PRLR: variants seen among roughly 807,000 people sequenced by gnomAD.
PRLR encodes hPRL receptor.
Under a neutral mutation model 40.2 loss-of-function variants are expected in PRLR, and 13 were observed. The observed-to-expected ratio is 0.32, with a 90% CI of 0.21 to 0.51. The LOEUF (loss-of-function observed/expected upper bound fraction) is 0.51, where lower values mean the gene tolerates loss of function less well. Ranked by LOEUF, PRLR falls within the 20% of genes least tolerant of loss-of-function variation. PRLR has a pLI of 0.97. For missense variants in PRLR, 656 were observed against 747.3 expected (o/e 0.88, Z 1.42); for synonymous variants, 269 against 278.7 (o/e 0.97, Z 0.35).
chr5:35,114,933 T>A (rs1042121844), intron 2 of PRLR, among the ~76,000 whole-genome samples: 10 of 152,174 alleles, frequency 6.6e-5, no homozygotes, highest in Non-Finnish European at 1.5e-4. Flanking sequence ...CTCTTCTCTA[T>A]CCCTGCCCAC....
At chr5:35,184,589 T>G (rs906826824) in intron 1 of PRLR, among the ~76,000 whole-genome samples, 2 of 152,168 alleles carry the variant, frequency 1.3e-5, no homozygotes, top group Non-Finnish European at 2.9e-5. Flanking sequence ...TCAACTAGAA[T>G]GACTGAATCA....
intron 2 of PRLR, among the ~76,000 whole-genome samples, chr5:35,095,822 A>T (rs1283364265): frequency 6.6e-6 from 1 of 152,218 alleles, no homozygotes; most frequent in East Asian, 1.9e-4. Context: ...ATAGTGAATT[A>T]CTTTTATATA....
intron 1 of PRLR, among the ~76,000 whole-genome samples, chr5:35,225,433 A>G (rs1276845023): frequency 6.6e-6 from 1 of 152,188 alleles, no homozygotes; most frequent in African/African-American, 2.4e-5. Context: ...TGACACAAGA[A>G]CAGAGGAAGA....
chr5:35,138,630 A>G (rs1042409512), intron 1 of PRLR, among the ~76,000 whole-genome samples: 4 of 152,204 alleles, frequency 2.6e-5, no homozygotes, highest in Admixed American at 2.6e-4. Context: ...AAGAATATCT[A>G]TATACTTATT....
intron 5 of PRLR, among the ~76,000 whole-genome samples, chr5:35,076,168 C>T (rs373080816): frequency 2.6e-4 from 39 of 152,234 alleles, no homozygotes; most frequent in Middle Eastern, 3.4e-3. Flanking sequence ...TCGCCAGCAA[C>T]GAAACAAAGC....
At chr5:35,163,574 G>A (rs1210460751) in intron 1 of PRLR, among the ~76,000 whole-genome samples, 1 of 152,212 alleles carries the variant, frequency 6.6e-6, no homozygotes, top group African/African-American at 2.4e-5. Context: ...TCTATTCACT[G>A]CTGGTATTAT....
chr5:35,159,446 A>G (rs1402908205), intron 1 of PRLR, among the ~76,000 whole-genome samples: 2 of 151,018 alleles, frequency 1.3e-5, no homozygotes, highest in Non-Finnish European at 2.9e-5. Flanking sequence ...CCCAGAAAAA[A>G]CTAGAGTGTC....
rs1768772530 is a variant in PRLR, at chr5:35,057,178, A to AT, written c.*7910dup. On this transcript the variant is annotated 3_prime_UTR_variant, in exon 10 of 10. Coordinates refer to ENST00000618457, the MANE Select transcript of PRLR (RefSeq NM_000949.7). ...CTTGTATCTGGTTCCATCTCCCCTCATTTTTCTCAGCCTCCCATGTTATAG... is the reference window on the plus strand; with the variant it reads ...CTTGTATCTGGTTCCATCTCCCCTCATTTTTTCTCAGCCTCCCATGTTATAG... The AT allele has an allele frequency of 6.6e-6, 1 of 151,910 alleles. No homozygotes were observed. The highest frequency in any genetic ancestry group is 2.1e-4 in the South Asian group (1 of 4,820). 9.4% of individuals were successfully genotyped at this position (151,910 alleles called of 1,614,324 possible). A position where few individuals can be genotyped will look rare whatever the true frequency, so the allele number is the denominator to read the frequency against.
chr5:35,113,453 CCAT>C (rs1772815344), intron 2 of PRLR, among the ~76,000 whole-genome samples: 1 of 25,554 alleles, frequency 3.9e-5, no homozygotes, highest in Non-Finnish European at 1.0e-4. Flanking sequence ...ACCCACCTAT[CCAT>C]CCATCCATCC....
Position 35,065,902 on chromosome 5 carries a change from C to A in PRLR, c.1056G>T (p.Gly352=), listed in dbSNP as rs775453931. The A allele has an allele frequency of 2.5e-6, 4 of 1,614,090 alleles. No homozygotes were observed. The South Asian group carries it at 3.3e-5, about 13-fold the overall frequency. The change falls in exon 10 of 10, where the codon GGG becomes GGT. Residue 352 remains glycine, a synonymous_variant. Transcript: ENST00000618457. The stretch of plus-strand genomic sequence containing the variant: ...ACAAAAGGGAAGGGCTGTCACAGCT[C>A]CCCCGGCCTGAGTCAGTGTCAGGAT... ...YLDPDTDSGR[G]SCDSPSLLSE...
intron 2 of PRLR, among the ~76,000 whole-genome samples, chr5:35,114,955 T>G (rs146465950): frequency 6.6e-6 from 1 of 152,318 alleles, no homozygotes; most frequent in East Asian, 1.9e-4. Context: ...GAGCTGGTGA[T>G]GTTGGGCTGC....
At position 35,058,087 on chromosome 5, in the gene PRLR, G is replaced by A. The variant is rs1435060429; in HGVS notation, c.*7002C>T. ...TATAAAATATAAACATGTAAGAATGGTTATTCAGAAACTCTTGCATAACCC... is the reference window on the plus strand; with the variant it reads ...TATAAAATATAAACATGTAAGAATGATTATTCAGAAACTCTTGCATAACCC... On this transcript the variant is annotated 3_prime_UTR_variant, in exon 10 of 10. Transcript: ENST00000618457. The A allele has an allele frequency of 6.6e-6, 1 of 151,894 alleles. No individual in the cohort carries two copies. The highest frequency in any genetic ancestry group is 2.4e-5 in the African/African-American group (1 of 41,376). The allele number at this position is 151,894 out of a possible 1,614,324, so 9.4% of individuals were successfully genotyped here.
chr5:35,221,159 G>A (rs754451664), intron 1 of PRLR, among the ~76,000 whole-genome samples: 1 of 152,162 alleles, frequency 6.6e-6, no homozygotes, highest in Non-Finnish European at 1.5e-5. Flanking sequence ...GACAGTCCCT[G>A]GAGACTACTG....
rs529399575 is a variant in PRLR, at chr5:35,062,176, A to AT, written c.*2912dup. Reference sequence around the variant, plus strand: ...CTTTGTATTTCTATGATGAAGAGCAATTTTTTGTTAGATTAGGATAGAAGG... The same window carrying AT: ...CTTTGTATTTCTATGATGAAGAGCAATTTTTTTGTTAGATTAGGATAGAAGG... On this transcript the variant is annotated 3_prime_UTR_variant, in exon 10 of 10. Coordinates refer to ENST00000618457, the MANE Select transcript of PRLR (RefSeq NM_000949.7). 13 of 152,290 alleles carry AT rather than the reference A, an allele frequency of 8.5e-5. No individual in the cohort carries two copies. In the East Asian group the frequency reaches 2.1e-3, roughly 25 times the overall value. 9.4% of individuals were successfully genotyped at this position (152,290 alleles called of 1,614,324 possible).
At chr5:35,172,687 G>C (rs1047923684) in intron 1 of PRLR, among the ~76,000 whole-genome samples, 7 of 152,168 alleles carry the variant, frequency 4.6e-5, no homozygotes, top group Admixed American at 3.3e-4. Flanking sequence ...CTGTGGAGAA[G>C]ACAAATCCCT....
At chr5:35,165,358 A>ATGGC (rs1561343225) in intron 1 of PRLR, among the ~76,000 whole-genome samples, 1 of 152,222 alleles carries the variant, frequency 6.6e-6, no homozygotes, top group African/African-American at 2.4e-5. Context: ...TCTTTACCGA[A>ATGGC]TGGCTCACCT....
intron 2 of PRLR, among the ~76,000 whole-genome samples, chr5:35,102,507 T>C (rs542358252): frequency 1.1e-4 from 13 of 119,922 alleles, no homozygotes; most frequent in East Asian, 4.6e-4. Flanking sequence ...ACTCCTCTCC[T>C]CTCCTCTCCT....
chr5:35,054,005 C>T (rs141457112), downstream of PRLR, among the ~76,000 whole-genome samples: 15 of 152,254 alleles, frequency 9.9e-5, no homozygotes, highest in East Asian at 2.5e-3. Context: ...CATATGTAGA[C>T]ACTCAGAAGA....
chr5:35,152,062 A>G (rs1774358722), intron 1 of PRLR, among the ~76,000 whole-genome samples: 1 of 152,204 alleles, frequency 6.6e-6, no homozygotes, highest in Non-Finnish European at 1.5e-5. Context: ...GTAAGATGAA[A>G]AATACTATTT....
Sources: allele counts gnomAD v4.1 joint callset (sites outside exome capture counted in the v4.1 genomes callset), GRCh38; gene constraint gnomAD v4.1.1; transcripts MANE v1.5; gene names NCBI Gene and HGNC (gene_info 2026-07-23, HGNC 2026-07-21).